Variants in ATRN observed in about 807,000 individuals in gnomAD.
ATRN encodes the protein attractin.
Under a neutral mutation model 178.7 loss-of-function variants are expected in ATRN, and 54 were observed. The observed-to-expected ratio is 0.30, with a 90% CI of 0.24 to 0.38. The LOEUF is 0.38. Among genes scored for constraint, ATRN ranks in the 10% least tolerant of loss-of-function variants. The probability of loss-of-function intolerance (pLI) is 1.00; values close to 1 mark genes in which losing one functional copy is unlikely to be tolerated. For synonymous variants in ATRN, 636 were observed against 663.0 expected, an observed-to-expected ratio of 0.96 and a Z score of 0.63; for missense variants, 1,443 against 1,815.1, an observed-to-expected ratio of 0.79 and a Z score of 3.73.
chr20:3,523,926 A>G (rs139018243), intron 1 of ATRN, among the ~76,000 whole-genome samples: 2,481 of 152,286 alleles, frequency 0.016, 73 homozygotes, highest in African/African-American at 0.056. Context: ...AGCTCTAAAT[A>G]TGGAAAGGAA....
At chr20:3,604,968 C>T (rs2086659026) in intron 24 of ATRN, among the ~76,000 whole-genome samples, 1 of 152,122 alleles carries the variant, frequency 6.6e-6, no homozygotes, top group South Asian at 2.1e-4. Context: ...TGGGGCCTTT[C>T]CTCAATACCT....
chr20:3,582,065 C>G, intron 15 of ATRN, 70 bp from the exon 16 acceptor site: 1 of 1,393,040 alleles, frequency 7.2e-7, no homozygotes, highest in Non-Finnish European at 1.0e-6. Flanking sequence ...CATGGCAAGA[C>G]TCCATCTCCA....
In ATRN at chr20:3,591,279, G is replaced by A. The variant is rs1393625169; in HGVS notation, c.3295G>A (p.Asp1099Asn). The change falls in exon 19 of 29, where the codon GAT becomes AAT. Residue 1099 changes from aspartate (D) to asparagine (N), a missense_variant. Coordinates refer to ENST00000262919, the MANE Select transcript of ATRN (RefSeq NM_139321.3). ...GACCTGCATATCTGGCTTCTACGGTGATCCCACCAATGGAGGGAAATGTCA... is the reference window on the plus strand; with the variant it reads ...GACCTGCATATCTGGCTTCTACGGTAATCCCACCAATGGAGGGAAATGTCA... Reference protein sequence around the residue: ...CETCISGFYGDPTNGGKCQPC... With the variant: ...CETCISGFYGNPTNGGKCQPC... 1 of 1,614,058 alleles carries A rather than the reference G, an allele frequency of 6.2e-7. No individual in the cohort carries two copies.
At chr20:3,527,337 T>C (rs2085380210) in intron 1 of ATRN, among the ~76,000 whole-genome samples, 1 of 152,182 alleles carries the variant, frequency 6.6e-6, no homozygotes, top group African/African-American at 2.4e-5. Flanking sequence ...TAATCATCAC[T>C]GGTCATTAGA....
chr20:3,599,447 T>TA (rs1347106641), intron 22 of ATRN, among the ~76,000 whole-genome samples: 1 of 152,208 alleles, frequency 6.6e-6, no homozygotes, highest in Non-Finnish European at 1.5e-5. Context: ...ACAGAATACT[T>TA]ACTAGAGTTA....
At chr20:3,580,537 C>G (rs2086268369) in intron 15 of ATRN, among the ~76,000 whole-genome samples, 1 of 152,168 alleles carries the variant, frequency 6.6e-6, no homozygotes, top group East Asian at 1.9e-4. Flanking sequence ...CCTAGCCTAA[C>G]CCTTAGGACA....
chr20:3,530,880 C>T (rs894897520), intron 1 of ATRN, among the ~76,000 whole-genome samples: 1 of 152,054 alleles, frequency 6.6e-6, no homozygotes, highest in Non-Finnish European at 1.5e-5. Flanking sequence ...TGAAACCTGC[C>T]TCCTGTTCCC....
At chr20:3,514,288 A>G (rs995518819) in intron 1 of ATRN, among the ~76,000 whole-genome samples, 2 of 152,228 alleles carry the variant, frequency 1.3e-5, no homozygotes, top group Non-Finnish European at 2.9e-5. Flanking sequence ...AATTCTTCCC[A>G]ACTATTATAG....
At chr20:3,499,972 TCAAA>T (rs1384795730) in intron 1 of ATRN, among the ~76,000 whole-genome samples, 2 of 151,904 alleles carry the variant, frequency 1.3e-5, no homozygotes, top group African/African-American at 4.8e-5. Flanking sequence ...TACAATGAAC[TCAAA>T]CAAATTTACA....
chr20:3,513,813 C>T (rs2085169534), intron 1 of ATRN, among the ~76,000 whole-genome samples: 1 of 152,056 alleles, frequency 6.6e-6, no homozygotes, highest in South Asian at 2.1e-4. Flanking sequence ...CTTCACGTCC[C>T]TTGTAAGTTG....
At chr20:3,625,373 A>G (rs776618137) in intron 25 of ATRN, among the ~76,000 whole-genome samples, 17 of 152,182 alleles carry the variant, frequency 1.1e-4, no homozygotes, top group Non-Finnish European at 1.9e-4. Flanking sequence ...ATCCCTATCT[A>G]TGTTATGGCC....
intron 1 of ATRN, among the ~76,000 whole-genome samples, chr20:3,510,277 C>G (rs1441830389): frequency 6.6e-6 from 1 of 152,158 alleles, no homozygotes; most frequent in African/African-American, 2.4e-5. Context: ...GGTCAACAAA[C>G]ATTTTCTTTA....
intron 1 of ATRN, among the ~76,000 whole-genome samples, chr20:3,505,681 C>CTGGCAGAG (rs1891857578): frequency 6.6e-6 from 1 of 152,108 alleles, no homozygotes; most frequent in East Asian, 1.9e-4. Flanking sequence ...AAGACAGAGA[C>CTGGCAGAG]TGGCAGAGTG....
At chr20:3,584,136 C>A in intron 17 of ATRN, 53 bp downstream of exon 17, 1 of 1,548,930 alleles carries the variant, frequency 6.5e-7, no homozygotes, top group South Asian at 1.2e-5. Context: ...GTATAGGCAA[C>A]AACTCAGCCA....
At chr20:3,583,818 A>AT in intron 16 of ATRN, 80 bp from the exon 17 acceptor site, 1 of 1,388,636 alleles carries the variant, frequency 7.2e-7, no homozygotes, top group Non-Finnish European at 9.9e-7. Flanking sequence ...AAAAAAAAAA[A>AT]GAAAAGAAAG....
At chr20:3,591,502 C>CA (rs1354767008) in intron 19 of ATRN, among the ~76,000 whole-genome samples, 196 bp downstream of exon 19, 1 of 152,116 alleles carries the variant, frequency 6.6e-6, no homozygotes, top group African/African-American at 2.4e-5. Context: ...AGCAACAAGC[C>CA]AAAAATGTTA....
At chr20:3,542,380 A>G (rs551492943) in intron 3 of ATRN, among the ~76,000 whole-genome samples, 7 of 152,294 alleles carry the variant, frequency 4.6e-5, no homozygotes, top group Admixed American at 3.3e-4. Context: ...TCTGTGGTTC[A>G]CCTGGACTGT....
chr20:3,494,031 A>G (rs1361745795), intron 1 of ATRN, among the ~76,000 whole-genome samples: 1 of 152,244 alleles, frequency 6.6e-6, no homozygotes, highest in African/African-American at 2.4e-5. Context: ...TCTCTATAAC[A>G]GTAATAATCA....
At chr20:3,560,948 T>G in intron 8 of ATRN, 43 bp downstream of exon 8, 1 of 1,598,910 alleles carries the variant, frequency 6.3e-7, no homozygotes, top group Non-Finnish European at 8.6e-7. Context: ...AACATCAGAT[T>G]TAAAACCTCT....
Sources: allele counts gnomAD v4.1 joint callset (sites outside exome capture counted in the v4.1 genomes callset), GRCh38; gene constraint gnomAD v4.1.1; transcripts MANE v1.5; gene names NCBI Gene and HGNC (gene_info 2026-07-23, HGNC 2026-07-21).